Variants in NTRK3 observed in about 807,000 individuals in gnomAD.
NTRK3 encodes the protein NT-3 growth factor receptor.
A neutral mutation model predicts 91.7 loss-of-function variants in NTRK3; 24 were observed. The observed-to-expected ratio is 0.26, with a 90% CI of 0.19 to 0.37. NTRK3 has a LOEUF of 0.37. NTRK3 is among the 10% of genes least tolerant of loss of function. The probability of loss-of-function intolerance (pLI) is 1.00; values close to 1 mark genes in which losing one functional copy is unlikely to be tolerated. For missense variants in NTRK3, 880 were observed against 1,068.9 expected, an observed-to-expected ratio of 0.82 and a Z score of 2.46; for synonymous variants, 483 against 404.0, an observed-to-expected ratio of 1.20 and a Z score of -2.34.
chr15:87,881,678 C>CAAAGTGCTGGGATTACAGGCT (rs1231881275), intron 17 of NTRK3, among the ~76,000 whole-genome samples: 1 of 152,012 alleles, frequency 6.6e-6, no homozygotes, highest in East Asian at 1.9e-4. Flanking sequence ...CTCGGCCTCC[C>CAAAGTGCTGGGATTACAGGCT]AAAGTGCTGG....
intron 6 of NTRK3, among the ~76,000 whole-genome samples, chr15:88,139,396 G>C (rs1026715480): frequency 6.6e-6 from 1 of 151,738 alleles, no homozygotes; most frequent in Non-Finnish European, 1.5e-5. Context: ...TGGGCACACC[G>C]CACTAAGACC....
At chr15:88,238,315 T>A (rs2051997905) in intron 3 of NTRK3, among the ~76,000 whole-genome samples, 2 of 152,246 alleles carry the variant, frequency 1.3e-5, no homozygotes, top group Non-Finnish European at 2.9e-5. Context: ...CTAGTGGGTA[T>A]AATAATCTTT....
At chr15:88,140,712 TGA>T (rs2042307319) in intron 6 of NTRK3, among the ~76,000 whole-genome samples, 1 of 152,156 alleles carries the variant, frequency 6.6e-6, no homozygotes, top group African/African-American at 2.4e-5. Flanking sequence ...CATGAGAGGA[TGA>T]GAGTGAAAAA....
chr15:88,235,496 G>A lies in NTRK3; in HGVS notation c.248+20410C>T, dbSNP rs2051633778. The stretch of plus-strand genomic sequence containing the variant: ...GCCCAGGGGAGTTGCCTTTCTGGTG[G>A]GACCAGGCCCTCTTCGAGTGGCATT... On this transcript the variant is annotated intron_variant, in intron 3 of 18. Transcript: ENST00000394480. This position sits in a 1 kb window ranked among gnomAD's most constrained non-coding sequence, Gnocchi z 5.2. 6.6e-6 allele frequency among the ~76,000 whole-genome samples: 1 copy of A among 152,154 alleles called. No individual in the cohort carries two copies.
intron 10 of NTRK3, 98 bp downstream of exon 10, chr15:88,135,003 G>A: frequency 7.2e-7 from 1 of 1,380,650 alleles, no homozygotes; most frequent in Non-Finnish European, 1.0e-6. Context: ...ATAACAGTAT[G>A]AGTACTGATG....
intron 3 of NTRK3, among the ~76,000 whole-genome samples, chr15:88,206,213 C>CG (rs1037865467): frequency 1.6e-4 from 24 of 149,536 alleles, no homozygotes; most frequent in Non-Finnish European, 3.0e-5. Context: ...GGCGAGGTGG[C>CG]GGGCACCTGT....
chr15:87,942,882 G>A (rs766153803), intron 14 of NTRK3, among the ~76,000 whole-genome samples: 58 of 152,144 alleles, frequency 3.8e-4, no homozygotes, highest in Admixed American at 2.7e-3. Flanking sequence ...TTACAAAAAG[G>A]AGAAATGAGG....
chr15:88,023,981 C>T (rs2077806596), intron 14 of NTRK3, among the ~76,000 whole-genome samples: 1 of 152,214 alleles, frequency 6.6e-6, no homozygotes, highest in African/African-American at 2.4e-5. Context: ...TGGGAATAAA[C>T]ACCCATCATT....
intron 5 of NTRK3, among the ~76,000 whole-genome samples, chr15:88,148,607 G>C (rs530817445): frequency 7.9e-5 from 12 of 152,276 alleles, no homozygotes; most frequent in African/African-American, 2.6e-4. Context: ...AAGTAGTGAG[G>C]AGTGCTTTGG....
exon 17 of NTRK3, chr15:87,929,418 C>T (rs765690534): frequency 6.2e-7 from 1 of 1,614,048 alleles, no homozygotes; most frequent in South Asian, 1.1e-5. Context: ...AGGATCATTG[C>T]ATCTGGCCCA....
At chr15:87,889,914 T>C (rs1428064231) in intron 17 of NTRK3, among the ~76,000 whole-genome samples, 3 of 152,006 alleles carry the variant, frequency 2.0e-5, no homozygotes, top group Non-Finnish European at 4.4e-5. Context: ...TCTTAATCTA[T>C]AGGATTCCCC....
chr15:88,051,126 G>A (rs374827454), intron 13 of NTRK3, among the ~76,000 whole-genome samples: 7 of 152,050 alleles, frequency 4.6e-5, no homozygotes, highest in South Asian at 4.1e-4. Flanking sequence ...AAAAGTACAC[G>A]TCTGCTGTTC....
In NTRK3 at chr15:88,119,860, C is replaced by A. The variant is rs1033309290; in HGVS notation, c.1396+6411G>T. On this transcript the variant is annotated intron_variant, in intron 13 of 18. Transcript: ENST00000394480. ...GCAGGGTGAAAGAAACTATTTTACT[C>A]AACAATACCAATAGTGCTTTCATCC... Among the ~76,000 whole-genome samples the A allele has an allele frequency of 3.3e-5, 5 of 152,192 alleles. No individual in the cohort carries two copies. In the South Asian group the frequency reaches 6.2e-4, roughly 19 times the overall value.
chr15:87,930,219 C>T (rs2068672386), intron 16 of NTRK3, among the ~76,000 whole-genome samples: 1 of 152,150 alleles, frequency 6.6e-6, no homozygotes, highest in Non-Finnish European at 1.5e-5. Context: ...GGGGTACCCC[C>T]AGAACCCATT....
exon 19 of NTRK3, chr15:87,867,156 C>T (rs572594419): frequency 1.2e-4 from 26 of 225,142 alleles, no homozygotes; most frequent in African/African-American, 4.4e-4. Context: ...ACTGATGAGG[C>T]GCTAATGAGG....
At chr15:87,951,048 A>T (rs1260175281) in intron 14 of NTRK3, among the ~76,000 whole-genome samples, 1 of 152,128 alleles carries the variant, frequency 6.6e-6, no homozygotes, top group Non-Finnish European at 1.5e-5. Flanking sequence ...CATTAAATAG[A>T]TCCAACAGAT....
intron 3 of NTRK3, among the ~76,000 whole-genome samples, chr15:88,217,033 C>A (rs1208627623): frequency 2.0e-5 from 3 of 152,188 alleles, no homozygotes; most frequent in African/African-American, 7.2e-5. Flanking sequence ...CTTGACATCA[C>A]TAATCATTAC....
At chr15:88,221,783 T>C (rs921424838) in intron 3 of NTRK3, among the ~76,000 whole-genome samples, 1 of 152,122 alleles carries the variant, frequency 6.6e-6, no homozygotes, top group African/African-American at 2.4e-5. Context: ...GGGGGCTTGT[T>C]CAATGGCTCA....
chr15:87,941,691 G>A (rs948646609), intron 14 of NTRK3, among the ~76,000 whole-genome samples: 1 of 152,224 alleles, frequency 6.6e-6, no homozygotes, highest in Non-Finnish European at 1.5e-5. Flanking sequence ...GAACGAGGGT[G>A]TGTGCAGAGA....
Sources: gnomAD v4.1 joint callset for allele counts (sites outside exome capture counted in the v4.1 genomes callset) on GRCh38, gnomAD v4.1.1 for gene constraint, Gnocchi (gnomAD v3.1) non-coding constraint, MANE v1.5 for transcripts, NCBI Gene and HGNC (gene_info 2026-07-23, HGNC 2026-07-21) for gene names.